KCNAB1: variants seen among roughly 807,000 people sequenced by gnomAD.
KCNAB1 encodes voltage-gated potassium channel subunit beta-1.
KCNAB1 carries 35 observed loss-of-function variants against 64.6 expected under a neutral mutation model. That is an observed-to-expected ratio of 0.54 (90% CI 0.41 to 0.72). KCNAB1 has a LOEUF of 0.72. Ranked by LOEUF, KCNAB1 falls within the 30% of genes least tolerant of loss-of-function variation. KCNAB1 has a pLI of 0.00. For synonymous variants in KCNAB1, 177 were observed against 183.8 expected (o/e 0.96, Z 0.30); for missense variants, 401 against 512.9 (o/e 0.78, Z 2.11).
intron 4 of KCNAB1, 87 bp from the exon 5 acceptor site, chr3:156,459,740 C>A: frequency 1.0e-6 from 1 of 988,574 alleles, no homozygotes; most frequent in South Asian, 1.5e-5. Context: ...ACTGAGAGTT[C>A]AAACAAGGAA....
intron 1 of KCNAB1, among the ~76,000 whole-genome samples, chr3:156,359,701 C>T (rs1301944542): frequency 6.6e-6 from 1 of 152,198 alleles, no homozygotes; most frequent in Non-Finnish European, 1.5e-5. Context: ...ATCAGGTTAG[C>T]TAGAAGGTGG....
chr3:156,522,691 T>C (rs1718033643), intron 11 of KCNAB1, among the ~76,000 whole-genome samples: 1 of 152,168 alleles, frequency 6.6e-6, no homozygotes, highest in African/African-American at 2.4e-5. Flanking sequence ...TTTGGAAATA[T>C]TGTCTTAGAA....
chr3:156,293,609 A>G (rs778184081), intron 1 of KCNAB1, among the ~76,000 whole-genome samples: 1 of 152,248 alleles, frequency 6.6e-6, no homozygotes, highest in Non-Finnish European at 1.5e-5. Context: ...AAGCAAAACA[A>G]CCATAACTAA....
chr3:156,298,032 G>T (rs1720914022), intron 1 of KCNAB1, among the ~76,000 whole-genome samples: 1 of 152,196 alleles, frequency 6.6e-6, no homozygotes, highest in South Asian at 2.1e-4. Flanking sequence ...CCATGGGTAT[G>T]GGCTTTCCTC....
At chr3:156,443,549 C>G (rs1005944247) in intron 2 of KCNAB1, among the ~76,000 whole-genome samples, 1 of 152,094 alleles carries the variant, frequency 6.6e-6, no homozygotes, top group Admixed American at 6.5e-5. Context: ...CTTTCAGACC[C>G]TGTAGTTGTG....
At chr3:156,261,929 T>C (rs1039235627) in intron 1 of KCNAB1, among the ~76,000 whole-genome samples, 4 of 152,004 alleles carry the variant, frequency 2.6e-5, no homozygotes, top group African/African-American at 7.2e-5. Flanking sequence ...TATGCAAAAT[T>C]TGTACTTCTT....
intron 1 of KCNAB1, among the ~76,000 whole-genome samples, chr3:156,335,804 C>CA (rs1347322356): frequency 2.1e-5 from 3 of 143,088 alleles, no homozygotes; most frequent in Admixed American, 1.4e-4. Flanking sequence ...ACAATGCCTT[C>CA]AAAAAAACAG....
At chr3:156,284,046 T>G (rs1483939913) in intron 1 of KCNAB1, among the ~76,000 whole-genome samples, 138 of 152,234 alleles carry the variant, frequency 9.1e-4, no homozygotes, top group African/African-American at 3.3e-3. Context: ...GGTGCTCTGC[T>G]TTTTAGAGTT....
chr3:156,437,678 G>T (rs1348857109), intron 2 of KCNAB1, among the ~76,000 whole-genome samples: 1 of 152,066 alleles, frequency 6.6e-6, no homozygotes, highest in Non-Finnish European at 1.5e-5. Flanking sequence ...GTCATTTGCT[G>T]CCACTGGGAT....
At chr3:156,493,506 C>A (rs1404625543) in intron 8 of KCNAB1, among the ~76,000 whole-genome samples, 1 of 151,986 alleles carries the variant, frequency 6.6e-6, no homozygotes, top group Non-Finnish European at 1.5e-5. Context: ...TTTCTATATG[C>A]CCCTCACCCA....
intron 1 of KCNAB1, chr3:156,291,469 G>C (rs924297489): frequency 9.6e-7 from 1 of 1,039,742 alleles, no homozygotes; most frequent in South Asian, 3.7e-5. Context: ...GCGCTGATTT[G>C]AGCCATCGCC....
chr3:156,154,270 G>A (rs1715586900), intron 1 of KCNAB1, among the ~76,000 whole-genome samples: 1 of 152,082 alleles, frequency 6.6e-6, no homozygotes, highest in Admixed American at 6.5e-5. Flanking sequence ...ACAGAGCCAT[G>A]GGCCTCTCCT....
chr3:156,324,827 C>T (rs1722868904), intron 1 of KCNAB1, among the ~76,000 whole-genome samples: 1 of 152,122 alleles, frequency 6.6e-6, no homozygotes, highest in African/African-American at 2.4e-5. Context: ...GAGGCTTAGT[C>T]CAGACCCTTT....
At chr3:156,147,940 G>GACACAC (rs6148150) in intron 1 of KCNAB1, among the ~76,000 whole-genome samples, 68,466 of 145,886 alleles carry the variant, frequency 0.47, 17,417 homozygotes, top group Admixed American at 0.66. Context: ...CACATGCCAA[G>GACACAC]ACACACACAC....
chr3:156,314,736 A>G (rs1012360199), intron 1 of KCNAB1, among the ~76,000 whole-genome samples: 4 of 152,242 alleles, frequency 2.6e-5, no homozygotes, highest in Non-Finnish European at 4.4e-5. Flanking sequence ...TTACAGGCTG[A>G]GTGCAGTGGC....
chr3:156,159,009 T>C (rs1018702843), intron 1 of KCNAB1, among the ~76,000 whole-genome samples: 1 of 152,150 alleles, frequency 6.6e-6, no homozygotes, highest in Non-Finnish European at 1.5e-5. Flanking sequence ...GAATGAAGAC[T>C]CAGAATACTC....
intron 2 of KCNAB1, among the ~76,000 whole-genome samples, chr3:156,425,154 G>T (rs1362319164): frequency 6.6e-6 from 1 of 152,194 alleles, no homozygotes; most frequent in Non-Finnish European, 1.5e-5. Context: ...TGTCAGCTCA[G>T]TCACGACCTA....
At chr3:156,140,554 C>A (rs1310151069) in intron 1 of KCNAB1, among the ~76,000 whole-genome samples, 1 of 152,182 alleles carries the variant, frequency 6.6e-6, no homozygotes, top group Non-Finnish European at 1.5e-5. Flanking sequence ...TCACAACTCG[C>A]TTACCTCCCA....
chr3:156,345,353 C>G (rs1724417188), intron 1 of KCNAB1, among the ~76,000 whole-genome samples: 2 of 152,080 alleles, frequency 1.3e-5, no homozygotes, highest in Non-Finnish European at 2.9e-5. Flanking sequence ...CAAGGAAAAA[C>G]TCAAATAGCC....
Sources: gnomAD v4.1 joint callset for allele counts (sites outside exome capture counted in the v4.1 genomes callset) on GRCh38, gnomAD v4.1.1 for gene constraint, MANE v1.5 for transcripts, NCBI Gene and HGNC (gene_info 2026-07-23, HGNC 2026-07-21) for gene names.